Variants in KANK1 observed in about 807,000 individuals in gnomAD.
KANK1 encodes the protein KN motif and ankyrin repeat domain-containing protein 1.
In KANK1, 109 loss-of-function variants were observed where a neutral mutation model predicts 106.2. The ratio of observed to expected loss-of-function variants is 1.03; its 90% CI spans 0.88 to 1.20. The LOEUF (loss-of-function observed/expected upper bound fraction) is 1.20, where lower values mean the gene tolerates loss of function less well. Ranked by LOEUF, KANK1 falls within the 50% of genes most tolerant of loss-of-function variation. KANK1 has a pLI of 0.00. For missense variants in KANK1, 2,399 were observed against 1,710.7 expected, an observed-to-expected ratio of 1.40 and a Z score of -7.10; for synonymous variants, 873 against 652.2, an observed-to-expected ratio of 1.34 and a Z score of -5.16.
intron 1 of KANK1, among the ~76,000 whole-genome samples, chr9:584,945 G>A (rs1227276308): frequency 2.0e-5 from 3 of 152,184 alleles, no homozygotes; most frequent in Non-Finnish European, 4.4e-5. Flanking sequence ...TCAATGCCTT[G>A]CAGTCAGCAT....
chr9:619,781 T>A (rs1198419801), intron 1 of KANK1, among the ~76,000 whole-genome samples: 1 of 152,178 alleles, frequency 6.6e-6, no homozygotes, highest in Admixed American at 6.5e-5. Flanking sequence ...GATTTTTAAA[T>A]ACTTTAAACA....
At chr9:611,182 CCT>C (rs1348125993) in intron 1 of KANK1, among the ~76,000 whole-genome samples, 4 of 152,162 alleles carry the variant, frequency 2.6e-5, no homozygotes, top group African/African-American at 4.8e-5. Context: ...CTGTCAGCCC[CCT>C]GAGTTCCATT....
At position 519,165 on chromosome 9, in the gene KANK1, T is replaced by C. The variant is rs1367721113; in HGVS notation, c.-84+14411T>C. ...TCGGCCTCCCAAAGTGCTGGGATTA[T>C]AGGCATGAGACACTGCGCCCAGTGT... On this transcript the variant is annotated intron_variant, in intron 1 of 11. Transcript: ENST00000382297. Among the ~76,000 whole-genome samples the C allele has an allele frequency of 2.6e-5, 4 of 151,692 alleles. No homozygotes were observed. The East Asian group carries it at 5.8e-4, about 22-fold the overall frequency.
chr9:500,865 CAG>C (rs1432375547), upstream of KANK1, among the ~76,000 whole-genome samples: 1 of 152,146 alleles, frequency 6.6e-6, no homozygotes, highest in African/African-American at 2.4e-5. Context: ...TGGAAAGCAA[CAG>C]GGGAACCTTC....
intron 2 of KANK1, among the ~76,000 whole-genome samples, chr9:701,656 C>T (rs977870386): frequency 1.3e-5 from 2 of 152,064 alleles, no homozygotes; most frequent in African/African-American, 2.4e-5. Flanking sequence ...GCCAAATGTC[C>T]CTTCGCGGGG....
intron 1 of KANK1, among the ~76,000 whole-genome samples, chr9:608,204 ATT>A (rs1231019335): frequency 6.7e-6 from 1 of 149,472 alleles, no homozygotes; most frequent in Non-Finnish European, 1.5e-5. Flanking sequence ...CGCCCGGCTA[ATT>A]TTTTGTATTT....
intron 1 of KANK1, among the ~76,000 whole-genome samples, chr9:634,514 G>C (rs1479771433): frequency 6.6e-6 from 1 of 152,164 alleles, no homozygotes. Context: ...CCTGACTTCT[G>C]AGCAGTAAGA....
chr9:547,914 T>A (rs1051075662), intron 1 of KANK1, among the ~76,000 whole-genome samples: 2 of 152,254 alleles, frequency 1.3e-5, no homozygotes, highest in Admixed American at 6.5e-5. Context: ...TCTTTCATCA[T>A]GTAATTTAAG....
chr9:651,432 G>A (rs1840858108), intron 1 of KANK1, among the ~76,000 whole-genome samples: 1 of 152,164 alleles, frequency 6.6e-6, no homozygotes, highest in Non-Finnish European at 1.5e-5. Flanking sequence ...ACAGTGGCAG[G>A]AATAGCTAGA....
intron 1 of KANK1, among the ~76,000 whole-genome samples, chr9:588,307 AGAC>A (rs1824010919): frequency 6.6e-6 from 1 of 152,178 alleles, no homozygotes; most frequent in African/African-American, 2.4e-5. Flanking sequence ...TCCTTTTATT[AGAC>A]ATTTATATTG....
Position 567,946 on chromosome 9 carries a change from A to T in KANK1, c.-84+63192A>T, listed in dbSNP as rs1046762633. 3.3e-5 allele frequency among the ~76,000 whole-genome samples: 5 copies of T among 152,178 alleles called. No homozygotes were observed. The South Asian group carries it at 1.0e-3, about 31-fold the overall frequency. The stretch of plus-strand genomic sequence containing the variant: ...AAAGTCACCAGCATGGACAAAACTT[A>T]CAGTCTTCCAAAGAGAGAGTGCCAA... On this transcript the variant is annotated intron_variant, in intron 1 of 11. Transcript: ENST00000382297.
At chr9:583,162 A>G (rs1822593838) in intron 1 of KANK1, among the ~76,000 whole-genome samples, 2 of 152,202 alleles carry the variant, frequency 1.3e-5, no homozygotes, top group Non-Finnish European at 2.9e-5. Context: ...AAATTTTACT[A>G]CAAACACAGC....
intron 1 of KANK1, among the ~76,000 whole-genome samples, chr9:510,362 A>G (rs2058977052): frequency 1.3e-5 from 2 of 152,230 alleles, no homozygotes; most frequent in South Asian, 2.1e-4. Context: ...TTGATTGTCC[A>G]GAAATTATAT....
At position 598,620 on chromosome 9, in the gene KANK1, C is replaced by CTTTTTTTTTTTTTTTTTTTTTTT. The variant is rs3028166; in HGVS notation, c.-83-78262_-83-78240dup. Among the ~76,000 whole-genome samples, 4 of 46,680 alleles carry CTTTTTTTTTTTTTTTTTTTTTTT rather than the reference C, an allele frequency of 8.6e-5. 1 individual carries two copies. The highest frequency in any genetic ancestry group is 1.3e-4 in the Non-Finnish European group (3 of 23,144). 30.6% of individuals were successfully genotyped at this position (46,680 alleles called of 152,430 possible). On this transcript the variant is annotated intron_variant, in intron 1 of 11. Transcript: ENST00000382297. ...TTTTTTGTTTTGTTTTGTTGGTTTT[C>CTTTTTTTTTTTTTTTTTTTTTTT]TTTTTTTTTTTTTTTTTTTTTTTTT...
intron 3 of KANK1, among the ~76,000 whole-genome samples, chr9:724,612 G>A (rs564996020): frequency 6.6e-6 from 1 of 152,166 alleles, no homozygotes; most frequent in Non-Finnish European, 1.5e-5. Flanking sequence ...GACCAGCCTA[G>A]CCAACATAGT....
At chr9:596,900 A>G (rs1414863176) in intron 1 of KANK1, among the ~76,000 whole-genome samples, 1 of 151,714 alleles carries the variant, frequency 6.6e-6, no homozygotes, top group Non-Finnish European at 1.5e-5. Context: ...GTAACACACT[A>G]TTCTCTCCTC....
At chr9:693,972 A>G (rs1423433096) in intron 2 of KANK1, among the ~76,000 whole-genome samples, 1 of 152,194 alleles carries the variant, frequency 6.6e-6, no homozygotes, top group Non-Finnish European at 1.5e-5. Context: ...TGGCTTTAAC[A>G]TAAAGATGTC....
chr9:737,372 T>C (rs941245422), intron 7 of KANK1, among the ~76,000 whole-genome samples: 1 of 152,256 alleles, frequency 6.6e-6, no homozygotes, highest in African/African-American at 2.4e-5. Context: ...TTCTGGTGCT[T>C]CTGACATAGG....
chr9:579,194 C>A (rs1251310845), intron 1 of KANK1, among the ~76,000 whole-genome samples: 2 of 152,020 alleles, frequency 1.3e-5, no homozygotes, highest in Non-Finnish European at 2.9e-5. Flanking sequence ...ACGTAGCCTT[C>A]CCCGACCCAC....
Sources: gnomAD v4.1 joint callset for allele counts (sites outside exome capture counted in the v4.1 genomes callset) on GRCh38, gnomAD v4.1.1 for gene constraint, MANE v1.5 for transcripts, NCBI Gene and HGNC (gene_info 2026-07-23, HGNC 2026-07-21) for gene names.